Variants in THTPA observed in about 807,000 individuals in gnomAD.
THTPA encodes thiamine triphosphatase.
THTPA carries 16 observed loss-of-function variants against 16.5 expected under a neutral mutation model. The observed-to-expected ratio is 0.97, with a 90% CI of 0.66 to 1.47. The LOEUF (loss-of-function observed/expected upper bound fraction) is 1.47. Ranked by LOEUF, THTPA falls within the 40% of genes most tolerant of loss-of-function variation. The pLI is 0.00. For missense variants in THTPA, 281 were observed against 280.9 expected (o/e 1.00, Z 0.00); for synonymous variants, 110 against 115.5 (o/e 0.95, Z 0.30).
At position 23,559,690 on chromosome 14, in the gene THTPA, C is replaced by T; in HGVS notation, c.*850C>T. ...GTAGCCCTCAGGTGTAGGTTCGAAG[C>T]TGCTGGGGCCCCCTGGGGTTTGGGA... On this transcript the variant is annotated 3_prime_UTR_variant, in exon 2 of 2. Transcript: ENST00000288014. 6.5e-7 allele frequency: 1 copy of T among 1,548,774 alleles called. No homozygotes were observed. Among genetic ancestry groups the T allele is most frequent in the African/African-American group, 1.4e-5 (1 of 73,714 alleles).
At chr14:23,522,944 A>G in the THTPA span, 1 of 1,439,664 alleles carries the variant, frequency 6.9e-7, no homozygotes, top group Non-Finnish European at 9.1e-7. Flanking sequence ...TGCCGGGCCT[A>G]GAAAGGTGAA....
At chr14:23,528,405 G>A in the THTPA span, among the ~76,000 whole-genome samples, 1 of 152,148 alleles carries the variant, frequency 6.6e-6, no homozygotes, top group Non-Finnish European at 1.5e-5. Context: ...TTTTCTTGGT[G>A]TGTCTTTCCC....
chr14:23,520,130 C>T, the THTPA span, among the ~76,000 whole-genome samples: 3 of 152,142 alleles, frequency 2.0e-5, no homozygotes, highest in Non-Finnish European at 2.9e-5. This position sits in a 1 kb window ranked among gnomAD's most constrained non-coding sequence, Gnocchi z 8.7. Context: ...TGTTGGTTCC[C>T]TTGGTGATAA....
chr14:23,535,175 T>C, the THTPA span: 1 of 1,534,450 alleles, frequency 6.5e-7, no homozygotes, highest in South Asian at 1.2e-5. The surrounding 1 kb of genome is among the most constrained non-coding windows in gnomAD (Gnocchi z 4.5). Flanking sequence ...GAGGACCTCA[T>C]GTTCTCAGAG....
the THTPA span, chr14:23,511,843 T>C: frequency 1.3e-5 from 2 of 152,062 alleles, no homozygotes; most frequent in Admixed American, 1.3e-4. Context: ...GACAAGGAAC[T>C]GGCTGAGTCT....
the THTPA span, chr14:23,531,580 T>G: frequency 6.5e-7 from 1 of 1,527,150 alleles, no homozygotes; most frequent in African/African-American, 1.4e-5. Context: ...TGCAGACGCC[T>G]CTGGGCCTGG....
the THTPA span, among the ~76,000 whole-genome samples, chr14:23,536,358 G>A: frequency 6.6e-6 from 1 of 152,172 alleles, no homozygotes; most frequent in Non-Finnish European, 1.5e-5. Flanking sequence ...AATTCCCTAA[G>A]TCTTGCCAGA....
At chr14:23,521,982 AG>A in the THTPA span, 1 of 1,536,294 alleles carries the variant, frequency 6.5e-7, no homozygotes, top group East Asian at 2.4e-5. Context: ...AGAAGTGTAG[AG>A]GTAGTCGTAG....
At chr14:23,550,091 T>C in the THTPA span, among the ~76,000 whole-genome samples, 1 of 152,236 alleles carries the variant, frequency 6.6e-6, no homozygotes, top group Non-Finnish European at 1.5e-5. Context: ...AGAGGTTTTG[T>C]TGTGCGAAGC....
At chr14:23,537,952 C>G in the THTPA span, 1 of 152,722 alleles carries the variant, frequency 6.5e-6, no homozygotes, top group Non-Finnish European at 1.5e-5. Context: ...CTCTCCCAGC[C>G]GGCCCAAGTG....
chr14:23,544,985 G>A, the THTPA span, among the ~76,000 whole-genome samples: 1 of 150,566 alleles, frequency 6.6e-6, no homozygotes, highest in African/African-American at 2.4e-5. Context: ...CTCCCTTCCC[G>A]CTTCTCTCTT....
the THTPA span, chr14:23,524,411 C>A: frequency 2.0e-6 from 3 of 1,536,136 alleles, no homozygotes; most frequent in African/African-American, 1.4e-5. The surrounding 1 kb of genome is among the most constrained non-coding windows in gnomAD (Gnocchi z 5.6). Flanking sequence ...CCCTGCTTCA[C>A]TGCCTGTGGG....
At chr14:23,537,515 T>C in the THTPA span, among the ~76,000 whole-genome samples, 1 of 152,120 alleles carries the variant, frequency 6.6e-6, no homozygotes. Flanking sequence ...GAAGGCCCCA[T>C]TGTAGCTTCC....
chr14:23,525,442 T>C, the THTPA span: 3 of 1,536,114 alleles, frequency 2.0e-6, no homozygotes, highest in Non-Finnish European at 2.6e-6. The surrounding 1 kb of genome is among the most constrained non-coding windows in gnomAD (Gnocchi z 5.9). Context: ...GGTGGACATG[T>C]TCCTCGTGTG....
the THTPA span, among the ~76,000 whole-genome samples, chr14:23,536,639 C>T: frequency 4.6e-5 from 7 of 152,238 alleles, no homozygotes; most frequent in East Asian, 1.9e-4. Flanking sequence ...TTTAATCTCA[C>T]AGCAACCTTA....
chr14:23,533,728 A>G, the THTPA span: 2 of 1,552,536 alleles, frequency 1.3e-6, no homozygotes, highest in Non-Finnish European at 1.7e-6. The surrounding 1 kb of genome is among the most constrained non-coding windows in gnomAD (Gnocchi z 4.8). Context: ...TAGGTTGGCC[A>G]GGTGCTTGTC....
the THTPA span, among the ~76,000 whole-genome samples, chr14:23,540,477 T>C: frequency 2.0e-5 from 3 of 152,072 alleles, no homozygotes; most frequent in Non-Finnish European, 4.4e-5. Context: ...CAAGAGGAGG[T>C]GACCATGGAG....
chr14:23,522,334 A>G, the THTPA span: 1 of 1,533,584 alleles, frequency 6.5e-7, no homozygotes, highest in African/African-American at 1.4e-5. Flanking sequence ...ACAGGTAGCG[A>G]TGGGTTACAT....
chr14:23,558,845 G>A lies in THTPA; in HGVS notation c.*5G>A, dbSNP rs752128998. On this transcript the variant is annotated 3_prime_UTR_variant, in exon 2 of 2. Coordinates refer to ENST00000288014, the MANE Select transcript of THTPA (RefSeq NM_024328.6). ...CCTGACCACTGCCTGGGCTAGGGGT[G>A]TCACTTCCTAGAAGGGGAAGGGAAC... 45 of 1,613,654 alleles carry A rather than the reference G, an allele frequency of 2.8e-5. No homozygotes were observed. In the South Asian group the frequency reaches 4.8e-4, roughly 17 times the overall value.
Sources: gnomAD v4.1 joint callset for allele counts (sites outside exome capture counted in the v4.1 genomes callset) on GRCh38, gnomAD v4.1.1 for gene constraint, Gnocchi (gnomAD v3.1) non-coding constraint, MANE v1.5 for transcripts, NCBI Gene and HGNC (gene_info 2026-07-23, HGNC 2026-07-21) for gene names.